Variants in DACH2 observed in about 807,000 individuals in gnomAD.
The protein encoded by DACH2 is dachshund family transcription factor 2.
A neutral mutation model predicts 35.8 loss-of-function variants in DACH2; 17 were observed. That is an observed-to-expected ratio of 0.48 (90% CI 0.33 to 0.71). DACH2 has a LOEUF of 0.71. Among genes scored for constraint, DACH2 ranks in the 30% least tolerant of loss-of-function variants. The pLI is 0.02. For missense variants in DACH2, 469 were observed against 472.7 expected (o/e 0.99, Z 0.07); for synonymous variants, 195 against 177.3 (o/e 1.10, Z -0.79).
intron 2 of DACH2, among the ~76,000 whole-genome samples, chrX:86,393,148 C>T (rs979717993): frequency 7.2e-5 from 8 of 111,393 alleles, no homozygotes; most frequent in South Asian, 3.8e-4. Flanking sequence ...AAATCTTAAG[C>T]TACTTTCTCC....
chrX:86,277,714 C>T (rs1407966615), intron 1 of DACH2, among the ~76,000 whole-genome samples: 1 of 111,212 alleles, frequency 9.0e-6, no homozygotes, highest in Admixed American at 9.6e-5. Context: ...AGCATAGTGG[C>T]CAGCCATTGG....
chrX:86,688,901 T>G (rs935520646), intron 4 of DACH2, among the ~76,000 whole-genome samples: 1 of 112,190 alleles, frequency 8.9e-6, no homozygotes, highest in South Asian at 3.7e-4. Flanking sequence ...TTATTGCAAC[T>G]GAGCAGCTGA....
chrX:86,511,172 A>G (rs1199747464), intron 2 of DACH2, among the ~76,000 whole-genome samples: 2 of 111,584 alleles, frequency 1.8e-5, no homozygotes, highest in African/African-American at 6.5e-5. Context: ...ATCCTTCCCA[A>G]CTTTTTACAG....
chrX:86,779,654 A>T (rs1394574450), intron 7 of DACH2, among the ~76,000 whole-genome samples: 1 of 111,518 alleles, frequency 9.0e-6, no homozygotes, highest in Non-Finnish European at 1.9e-5. Flanking sequence ...GTGATGTGAG[A>T]GTTGCAGTGC....
chrX:86,226,032 C>T (rs1359893229), intron 1 of DACH2, among the ~76,000 whole-genome samples: 8 of 111,117 alleles, frequency 7.2e-5, no homozygotes, highest in Non-Finnish European at 1.3e-4. Context: ...AATTCTTACC[C>T]CTCTCTGAGA....
intron 2 of DACH2, among the ~76,000 whole-genome samples, chrX:86,478,542 C>CTTTTTTTTTTTT (rs767463672): frequency 3.0e-4 from 26 of 86,892 alleles, no homozygotes; most frequent in South Asian, 5.3e-4. Flanking sequence ...TTTTGTTTTT[C>CTTTTTTTTTTTT]TTTTTTTTTT....
intron 3 of DACH2, among the ~76,000 whole-genome samples, chrX:86,582,932 AT>A (rs1055230731): frequency 7.2e-5 from 8 of 111,166 alleles, no homozygotes; most frequent in African/African-American, 2.6e-4. Flanking sequence ...TTTAGGCCAA[AT>A]TTTTTATGAA....
chrX:86,681,032 G>GTATC (rs961250389), intron 4 of DACH2, among the ~76,000 whole-genome samples: 3 of 110,416 alleles, frequency 2.7e-5, no homozygotes, highest in African/African-American at 9.9e-5. Context: ...ATGTATCTAT[G>GTATC]TATCTATCTA....
chrX:86,608,301 AC>A (rs973605247), intron 3 of DACH2, among the ~76,000 whole-genome samples: 3 of 111,714 alleles, frequency 2.7e-5, no homozygotes, highest in African/African-American at 9.7e-5. Flanking sequence ...AAATAGGAAC[AC>A]TTTTACACTG....
At chrX:86,826,159 C>T (rs886929154) in intron 11 of DACH2, among the ~76,000 whole-genome samples, 2 of 111,241 alleles carry the variant, frequency 1.8e-5, no homozygotes, top group African/African-American at 6.5e-5. Flanking sequence ...TTAATGACAT[C>T]TCTACATTTT....
chrX:86,216,921 C>A (rs1198551270), intron 1 of DACH2, among the ~76,000 whole-genome samples: 6 of 109,987 alleles, frequency 5.5e-5, no homozygotes, highest in African/African-American at 1.7e-4. Flanking sequence ...GTAGCGAAAC[C>A]TGACTCTAAA....
At chrX:86,667,449 G>A (rs1602759526) in intron 4 of DACH2, among the ~76,000 whole-genome samples, 1 of 51,210 alleles carries the variant, frequency 2.0e-5, no homozygotes, top group Non-Finnish European at 5.0e-5. Flanking sequence ...AAAGAAGAAA[G>A]AGAAAGAAAG....
At chrX:86,149,419 A>G in intron 1 of DACH2, among the ~76,000 whole-genome samples, 1 of 111,045 alleles carries the variant, frequency 9.0e-6, no homozygotes. Flanking sequence ...TTATTTGTTA[A>G]TTTCTCTATT....
chrX:86,765,656 A>G (rs1439404723), intron 7 of DACH2, among the ~76,000 whole-genome samples: 3 of 98,475 alleles, frequency 3.0e-5, no homozygotes, highest in Admixed American at 1.1e-4. Context: ...GTTTAAAGTC[A>G]GGTAATGTGA....
chrX:86,262,455 G>T (rs1469290759), intron 1 of DACH2, among the ~76,000 whole-genome samples: 1 of 111,794 alleles, frequency 8.9e-6, no homozygotes, highest in Non-Finnish European at 1.9e-5. Flanking sequence ...TTCTTATCTT[G>T]GTTTGTAGAT....
chrX:86,273,431 C>T (rs754730101), intron 1 of DACH2, among the ~76,000 whole-genome samples: 4 of 111,858 alleles, frequency 3.6e-5, no homozygotes, highest in Non-Finnish European at 7.5e-5. Context: ...CTCTGTTTAG[C>T]ACACTTGCAT....
intron 7 of DACH2, among the ~76,000 whole-genome samples, chrX:86,805,647 G>T (rs1233860278): frequency 9.0e-6 from 1 of 110,715 alleles, no homozygotes; most frequent in East Asian, 2.8e-4. Flanking sequence ...CCAGTATCAG[G>T]TCATTTGTTT....
At chrX:86,789,919 G>A (rs2042172164) in intron 7 of DACH2, among the ~76,000 whole-genome samples, 1 of 111,014 alleles carries the variant, frequency 9.0e-6, no homozygotes, top group African/African-American at 3.3e-5. Context: ...AAAGGTGGAG[G>A]AATGGAATTA....
chrX:86,583,295 C>G (rs965520549), intron 3 of DACH2, among the ~76,000 whole-genome samples: 2 of 110,434 alleles, frequency 1.8e-5, no homozygotes, highest in Non-Finnish European at 3.8e-5. Context: ...CGTTTGAGAA[C>G]TGGAATAAGA....
Sources: allele counts gnomAD v4.1 joint callset (sites outside exome capture counted in the v4.1 genomes callset), GRCh38; gene constraint gnomAD v4.1.1; transcripts MANE v1.5; gene names NCBI Gene and HGNC (gene_info 2026-07-23, HGNC 2026-07-21).